The following NOTCH1 variants were observed in gnomAD, a reference collection of about 807,000 sequenced individuals.
NOTCH1 encodes notch receptor 1.
In NOTCH1, 37 loss-of-function variants were observed where a neutral mutation model predicts 254.8. The observed-to-expected ratio is 0.15, with a 90% confidence interval of 0.11 to 0.19. The LOEUF is 0.19. Among genes scored for constraint, NOTCH1 ranks in the 10% least tolerant of loss-of-function variants. The pLI, the probability that NOTCH1 is intolerant of heterozygous loss-of-function variation, is 1.00. For synonymous variants in NOTCH1, 1,731 were observed against 1,618.1 expected (o/e 1.07, Z -1.68); for missense variants, 2,972 against 3,708.6 (o/e 0.80, Z 5.16).
Position 136,516,113 on chromosome 9 carries a change from G to C in NOTCH1, c.1556-19C>G, listed in dbSNP as rs970722201. ...GTGAAGCCTGGGGCCGGGGAGGGGA[G>C]GGGAGGGAGTCATGTGCAACAGCAC... On this transcript the variant is annotated intron_variant, in intron 9 of 33. Transcript: ENST00000651671. 1.3e-6 allele frequency: 2 copies of C among 1,568,730 alleles called. No individual in the cohort carries two copies. Among genetic ancestry groups the C allele is most frequent in the Non-Finnish European group, 1.7e-6 (2 of 1,145,130 alleles).
At chr9:136,526,849 C>T (rs927125185) in intron 2 of NOTCH1, among the ~76,000 whole-genome samples, 8 of 152,180 alleles carry the variant, frequency 5.3e-5, no homozygotes, top group Non-Finnish European at 1.0e-4. Flanking sequence ...AGGTGTCAGA[C>T]GTGGCGGCAG....
Position 136,506,400 on chromosome 9 carries a change from C to A in NOTCH1, c.4014+127G>T, listed in dbSNP as rs1843085272. ...ATTGAAACTAAAAAAAAAAAAAAGA[C>A]ATCAGGGTGAGGAGGAGGATGAAGG... is the stretch of plus-strand genomic sequence containing the variant. On this transcript the variant is annotated intron_variant, in intron 24 of 33. Transcript: ENST00000651671. The surrounding 1 kb of genome is among the most constrained non-coding windows in gnomAD (Gnocchi z 4.5). 3.2e-5 allele frequency: 21 copies of A among 665,616 alleles called. No individual in the cohort carries two copies. Among genetic ancestry groups the A allele is most frequent in the South Asian group, 1.1e-4 (6 of 53,910 alleles). 41.2% of individuals were successfully genotyped at this position (665,616 alleles called of 1,614,324 possible).
In NOTCH1 at chr9:136,495,250, C is replaced by A. The variant is rs1415526950; in HGVS notation, c.*821G>T. ...CATCTCATGTTTGACATGCATGATG[C>A]CTACATTTCAAGAACGGGCAGGGGG... On this transcript the variant is annotated 3_prime_UTR_variant, in exon 34 of 34. Transcript: ENST00000651671. 2.5e-6 allele frequency: 1 copy of A among 399,018 alleles called. No homozygotes were observed. Among genetic ancestry groups the A allele is most frequent in the Non-Finnish European group, 4.4e-6 (1 of 226,088 alleles). 24.7% of individuals were successfully genotyped at this position (399,018 alleles called of 1,614,324 possible).
At chr9:136,524,920 G>A (rs1564204546) in intron 2 of NOTCH1, among the ~76,000 whole-genome samples, 1 of 152,166 alleles carries the variant, frequency 6.6e-6, no homozygotes, top group Admixed American at 6.5e-5. Context: ...ACAGGCGTAA[G>A]CCACCGCGCC....
chr9:136,510,658 C>T lies in NOTCH1; in HGVS notation c.2735G>A (p.Arg912Gln), dbSNP rs773185855. The T allele has an allele frequency of 1.3e-5, 21 of 1,605,518 alleles. No individual in the cohort carries two copies. Among genetic ancestry groups the T allele is most frequent in the African/African-American group, 6.7e-5 (5 of 75,008 alleles). ...RNCETDIDDC[R>Q]PNPCHNGGSC... ...AGAGCCGCGGGGCTACTCACTGGGC[C>T]GGCAGTCGTCGATGTCGGTCTCGCA... The change falls in exon 17 of 34, where the codon CGG becomes CAG. Residue 912 changes from arginine (R) to glutamine (Q), a missense_variant. Transcript: ENST00000651671.
At chr9:136,531,405 G>C (rs1371184907) in intron 2 of NOTCH1, among the ~76,000 whole-genome samples, 1 of 152,346 alleles carries the variant, frequency 6.6e-6, no homozygotes, top group East Asian at 1.9e-4. Flanking sequence ...AGGAGTGGCA[G>C]AAGCTCCCTG....
Position 136,500,565 on chromosome 9 carries a change from T to C in NOTCH1, c.5921A>G (p.Gln1974Arg), listed in dbSNP as rs2133325449. 13 of 1,611,258 alleles carry C rather than the reference T, an allele frequency of 8.1e-6. No individual in the cohort carries two copies. The highest frequency in any genetic ancestry group is 1.1e-5 in the Non-Finnish European group (13 of 1,179,892). The change falls in exon 31 of 34, where the codon CAA (glutamine) becomes CGA (arginine). Residue 1974 changes from glutamine to arginine, a missense_variant. Gln to Arg is a conservative substitution (Grantham distance 43). Coordinates refer to ENST00000651671, the MANE Select transcript of NOTCH1 (RefSeq NM_017617.5). ...GCCACTGCCTACCTGGAAGACACCT[T>C]GTGCGTCGGCAGACACAGCCGCATG... ...PLHAAVSADA[Q>R]GVFQILIRNR...
intron 4 of NOTCH1, 197 bp from the exon 5 acceptor site, chr9:136,519,762 G>A (rs1046134040): frequency 1.7e-5 from 12 of 715,172 alleles, no homozygotes; most frequent in African/African-American, 1.6e-4. Context: ...ATTTTGGACA[G>A]GACTGGCTAA....
At chr9:136,538,099 G>A (rs1843681822) in intron 2 of NOTCH1, among the ~76,000 whole-genome samples, 1 of 152,106 alleles carries the variant, frequency 6.6e-6, no homozygotes, top group Admixed American at 6.5e-5. Flanking sequence ...ACAAAAAAAG[G>A]CAAATTTTGT....
rs2133370877 is a variant in NOTCH1, at chr9:136,518,657, A to G, written c.1033T>C (p.Phe345Leu). 1 of 1,612,226 alleles carries G rather than the reference A, an allele frequency of 6.2e-7. No homozygotes were observed. The highest frequency in any genetic ancestry group is 8.5e-7 in the Non-Finnish European group (1 of 1,179,892). ...CGGTCATGGCAGGTGGCGCCGTGGA[A>G]GCAGGCGGCGCTGGCACAGTCATCA... ...NIDDCASAAC[F>L]HGATCHDRVA... The change falls in exon 6 of 34, where the codon TTC (phenylalanine) becomes CTC (leucine). Residue 345 changes from phenylalanine to leucine, a missense_variant. This residue lies in a region of NOTCH1 where 90 missense variants were observed against 183.6 expected (regional missense o/e 0.49). Coordinates refer to ENST00000651671, the MANE Select transcript of NOTCH1 (RefSeq NM_017617.5).
chr9:136,499,578 G>A (rs925919190), intron 31 of NOTCH1, among the ~76,000 whole-genome samples: 4 of 152,220 alleles, frequency 2.6e-5, no homozygotes, highest in African/African-American at 9.6e-5. Flanking sequence ...TCAAGTCCCT[G>A]CCCCCAACGG....
intron 3 of NOTCH1, among the ~76,000 whole-genome samples, chr9:136,523,391 T>G (rs1368550720): frequency 6.6e-6 from 1 of 152,200 alleles, no homozygotes; most frequent in Admixed American, 6.5e-5. Flanking sequence ...CTGGGCCGTC[T>G]CTTCCCAGAG....
rs1436414503 is a variant in NOTCH1 at position 136,508,974 on chromosome 9, T to C, written c.3067A>G (p.Asn1023Asp). 2.6e-6 allele frequency: 4 copies of C among 1,556,474 alleles called. No individual in the cohort carries two copies. The highest frequency in any genetic ancestry group is 3.5e-6 in the Non-Finnish European group (4 of 1,150,830). Residue 1023 changes from asparagine (N) to aspartate (D), a missense_variant, in exon 19 of 34, where the codon AAT (asparagine) becomes GAT (aspartate). Physicochemically the swap from Asn to Asp is conservative, Grantham distance 23 (BLOSUM62 1). Transcript: ENST00000651671. The stretch of plus-strand genomic sequence containing the variant: ...AGGCAGGGCTGTGAGTCGCACTCAT[T>C]GACATCGTGCTGGCAGTAGCTGCCC... ...FTGSYCQHDV[N>D]ECDSQPCLHG... is the part of the protein sequence containing the mutation.
chr9:136,532,457 C>T (rs1463020093), intron 2 of NOTCH1, among the ~76,000 whole-genome samples: 1 of 138,816 alleles, frequency 7.2e-6, no homozygotes, highest in East Asian at 1.9e-4. Flanking sequence ...CACAGTCTCC[C>T]CAGAGCCTGT....
intron 1 of NOTCH1, 31 bp from the exon 2 acceptor site, chr9:136,544,133 C>T (rs1399101373): frequency 6.5e-7 from 1 of 1,543,414 alleles, no homozygotes; most frequent in Non-Finnish European, 8.8e-7. Flanking sequence ...AGAGGTCAGT[C>T]TCACCCGCAC....
chr9:136,530,421 C>T (rs147154395), intron 2 of NOTCH1, among the ~76,000 whole-genome samples: 2 of 152,340 alleles, frequency 1.3e-5, no homozygotes, highest in African/African-American at 4.8e-5. Context: ...GAAAACAATG[C>T]CCTCACCCGA....
rs1319837046 is a variant in NOTCH1 at position 136,523,173 on chromosome 9, T to G, written c.419A>C (p.Gln140Pro). The G allele has an allele frequency of 6.2e-7, 1 of 1,603,016 alleles. No individual in the cohort carries two copies. The highest frequency in any genetic ancestry group is 8.5e-7 in the Non-Finnish European group (1 of 1,175,964). The change falls in exon 4 of 34, where the codon CAG becomes CCG. Residue 140 changes from glutamine (Q) to proline (P), a missense_variant. Gln to Pro is a moderately conservative substitution (Grantham distance 76). Coordinates refer to ENST00000651671, the MANE Select transcript of NOTCH1 (RefSeq NM_017617.5). The part of the protein sequence containing the change: ...PPGWSGKSCQ[Q>P]ADPCASNPCA... ...GGGGTTGGAGGCGCACGGGTCAGCC[T>G]GCTGGCACGATTTCCCTGGAGACAA... is the stretch of plus-strand genomic sequence containing the variant.
chr9:136,502,498 C>T lies in NOTCH1; in HGVS notation c.5168-10G>A, dbSNP rs199903655. 1,710 of 1,509,512 alleles carry T rather than the reference C, an allele frequency of 1.1e-3. 16 individuals carry two copies. The African/African-American group carries it at 0.02, about 18-fold the overall frequency. The allele number at this position is 1,509,512 out of a possible 1,614,324, so 93.5% of individuals were successfully genotyped here. A position where few individuals can be genotyped will look rare whatever the true frequency, so the allele number is the denominator to read the frequency against. ...GGCTCCACGGTCTCACCTGCGGGCA[C>T]GGGGGCCAGGGGCAGGTGCCCGGAC... On this transcript the variant is annotated splice_polypyrimidine_tract_variant and intron_variant, in intron 27 of 33. Transcript: ENST00000651671.
Position 136,520,472 on chromosome 9 carries a change from G to A in NOTCH1, c.743-907C>T, listed in dbSNP as rs893859494. 1.2e-4 allele frequency among the ~76,000 whole-genome samples: 18 copies of A among 152,274 alleles called. No homozygotes were observed. The East Asian group carries it at 2.1e-3, about 18-fold the overall frequency. On this transcript the variant is annotated intron_variant, in intron 4 of 33. Transcript: ENST00000651671. ...CCCCAGCCCTGGCGCGGTGGCTCAC[G>A]CCTGGAATCCCGGCACTTTGGGAGG...
Sources: gnomAD v4.1 joint callset for allele counts (sites outside exome capture counted in the v4.1 genomes callset) on GRCh38, gnomAD v4.1.1 for gene constraint, gnomAD v4.1.1 regional missense constraint, Gnocchi (gnomAD v3.1) non-coding constraint, MANE v1.5 for transcripts, NCBI Gene and HGNC (gene_info 2026-07-23, HGNC 2026-07-21) for gene names.